Variants in ZDHHC21 observed in about 807,000 individuals in gnomAD.
The protein encoded by ZDHHC21 is zDHHC palmitoyltransferase 21, also known as palmitoyltransferase ZDHHC21.
A neutral mutation model predicts 34.6 loss-of-function variants in ZDHHC21; 15 were observed. The ratio of observed to expected loss-of-function variants is 0.43; its 90% CI spans 0.29 to 0.67. The LOEUF (loss-of-function observed/expected upper bound fraction) is 0.67, where lower values mean the gene tolerates loss of function less well. ZDHHC21 is among the 30% of genes least tolerant of loss of function. ZDHHC21 has a pLI of 0.14. For synonymous variants in ZDHHC21, 142 were observed against 101.8 expected (o/e 1.40, Z -2.38); for missense variants, 344 against 327.7 (o/e 1.05, Z -0.38).
chr9:14,691,216 C>G (rs1466677968), intron 1 of ZDHHC21, among the ~76,000 whole-genome samples: 2 of 152,146 alleles, frequency 1.3e-5, no homozygotes, highest in Non-Finnish European at 2.9e-5. Context: ...TATAATAAGA[C>G]TAGCAGGAGG....
chr9:14,632,543 G>A (rs199793821), intron 8 of ZDHHC21, among the ~76,000 whole-genome samples: 218 of 9,486 alleles, frequency 0.023, 9 homozygotes, highest in African/African-American at 0.041. Context: ...ATTAGGCAAT[G>A]GTATCTTAGA....
chr9:14,631,792 T>C (rs1402865968), intron 8 of ZDHHC21, among the ~76,000 whole-genome samples: 1 of 152,150 alleles, frequency 6.6e-6, no homozygotes, highest in Non-Finnish European at 1.5e-5. Flanking sequence ...AATGCAGCAG[T>C]CAGAACACAC....
intron 3 of ZDHHC21, among the ~76,000 whole-genome samples, chr9:14,679,420 T>G (rs1273503391): frequency 6.6e-6 from 1 of 152,156 alleles, no homozygotes; most frequent in African/African-American, 2.4e-5. Context: ...ACTTATAGAA[T>G]AGTTTATATA....
intron 8 of ZDHHC21, among the ~76,000 whole-genome samples, chr9:14,632,269 A>C (rs189130422): frequency 6.6e-6 from 1 of 152,208 alleles, no homozygotes; most frequent in Non-Finnish European, 1.5e-5. Context: ...ATAGACATAC[A>C]GATAAATAAA....
At chr9:14,644,841 T>C (rs1040785469) in intron 7 of ZDHHC21, among the ~76,000 whole-genome samples, 10 of 151,584 alleles carry the variant, frequency 6.6e-5, no homozygotes, top group Middle Eastern at 3.4e-3. Context: ...CACACACATA[T>C]ATATATATAT....
intron 2 of ZDHHC21, among the ~76,000 whole-genome samples, chr9:14,681,439 C>T (rs1004249619): frequency 1.3e-5 from 2 of 152,178 alleles, no homozygotes; most frequent in Admixed American, 6.5e-5. Flanking sequence ...AAACCAATTT[C>T]ATGACCCACA....
downstream of ZDHHC21, among the ~76,000 whole-genome samples, chr9:14,606,430 G>C (rs543344896): frequency 6.6e-6 from 1 of 152,314 alleles, no homozygotes; most frequent in African/African-American, 2.4e-5. Context: ...GATAACCCAA[G>C]CTGAGTTCTC....
intron 2 of ZDHHC21, among the ~76,000 whole-genome samples, chr9:14,686,100 T>C (rs1358714038): frequency 7.9e-5 from 12 of 151,842 alleles, no homozygotes; most frequent in Non-Finnish European, 1.3e-4. Flanking sequence ...AACTACCTAA[T>C]GTAAATGACG....
chr9:14,627,838 T>C (rs1414139534), intron 8 of ZDHHC21, among the ~76,000 whole-genome samples: 2 of 152,188 alleles, frequency 1.3e-5, no homozygotes, highest in East Asian at 1.9e-4. Context: ...ATGGACATTA[T>C]TGTTGGCTAT....
chr9:14,664,903 C>A (rs1292534625), intron 5 of ZDHHC21, among the ~76,000 whole-genome samples: 1 of 151,684 alleles, frequency 6.6e-6, no homozygotes, highest in African/African-American at 2.4e-5. Context: ...GGGGAAAAAA[C>A]AGAACAGAAA....
intron 5 of ZDHHC21, among the ~76,000 whole-genome samples, chr9:14,665,850 G>A (rs879402950): frequency 0.018 from 2,651 of 149,292 alleles, 27 homozygotes; most frequent in Non-Finnish European, 0.031. Flanking sequence ...TGAAGGAAGC[G>A]CTAAACATGG....
chr9:14,687,585 C>T (rs1246446442), intron 2 of ZDHHC21, among the ~76,000 whole-genome samples: 1 of 150,818 alleles, frequency 6.6e-6, no homozygotes, highest in South Asian at 2.1e-4. Context: ...GCACGAGAAT[C>T]GCTTGAAGCT....
chr9:14,649,982 C>A (rs1179444868), intron 7 of ZDHHC21, among the ~76,000 whole-genome samples: 1 of 151,968 alleles, frequency 6.6e-6, no homozygotes, highest in South Asian at 2.1e-4. Flanking sequence ...TTCACAGTAA[C>A]TGTAACAGTT....
the ZDHHC21 span, among the ~76,000 whole-genome samples, chr9:14,591,150 C>A: frequency 3.3e-5 from 5 of 152,028 alleles, no homozygotes; most frequent in East Asian, 1.9e-4. Flanking sequence ...AAGGAAAATA[C>A]TGAGTTACTC....
chr9:14,672,321 A>G (rs984214545), intron 5 of ZDHHC21, among the ~76,000 whole-genome samples: 4 of 151,306 alleles, frequency 2.6e-5, no homozygotes, highest in Admixed American at 6.6e-5. Flanking sequence ...AAAATTTTGT[A>G]TTTTTTTTTA....
At chr9:14,669,900 T>C (rs1835147130) in intron 5 of ZDHHC21, among the ~76,000 whole-genome samples, 1 of 144,802 alleles carries the variant, frequency 6.9e-6, no homozygotes, top group Non-Finnish European at 1.5e-5. Flanking sequence ...ATATACCTAA[T>C]GCTAGATGAC....
At chr9:14,629,296 T>A (rs1432365256) in intron 8 of ZDHHC21, among the ~76,000 whole-genome samples, 3 of 152,158 alleles carry the variant, frequency 2.0e-5, no homozygotes, top group Admixed American at 1.3e-4. Flanking sequence ...TATCACCTCA[T>A]AACCAAATCT....
chr9:14,625,925 G>T (rs577565778), intron 8 of ZDHHC21, among the ~76,000 whole-genome samples: 1 of 151,654 alleles, frequency 6.6e-6, no homozygotes, highest in African/African-American at 2.4e-5. Flanking sequence ...TAGCATCATG[G>T]AACTTACAAT....
rs1835764661 is a variant in ZDHHC21 at position 14,673,056 on chromosome 9, A to G, written c.155-128T>C. 27 of 524,340 alleles carry G rather than the reference A, an allele frequency of 5.1e-5. No homozygotes were observed. In the South Asian group the frequency reaches 1.1e-3, roughly 21 times the overall value. The allele number at this position is 524,340 out of a possible 1,614,324, so 32.5% of individuals were successfully genotyped here. The stretch of plus-strand genomic sequence containing the variant: ...AGGAGAAAAAATTTCAAAAGATTAA[A>G]AAATAAATAATTGATTTCACTCACC... On this transcript the variant is annotated intron_variant, in intron 4 of 9. Coordinates refer to ENST00000380916, the MANE Select transcript of ZDHHC21 (RefSeq NM_178566.6).
Sources: gnomAD v4.1 joint callset for allele counts (sites outside exome capture counted in the v4.1 genomes callset) on GRCh38, gnomAD v4.1.1 for gene constraint, MANE v1.5 for transcripts, NCBI Gene and HGNC (gene_info 2026-07-23, HGNC 2026-07-21) for gene names.